The following JMJD1C variants were observed in gnomAD, a reference collection of about 807,000 sequenced individuals.
JMJD1C encodes jumonji domain containing 1C.
JMJD1C carries 31 observed loss-of-function variants against 245.3 expected under a neutral mutation model. The ratio of observed to expected loss-of-function variants is 0.13; its 90% CI spans 0.09 to 0.17. The LOEUF is 0.17. JMJD1C is among the 10% of genes least tolerant of loss of function. JMJD1C has a pLI of 1.00. For missense variants in JMJD1C, 2,691 were observed against 3,000.2 expected, an observed-to-expected ratio of 0.90 and a Z score of 2.41; for synonymous variants, 1,057 against 1,017.4, an observed-to-expected ratio of 1.04 and a Z score of -0.74.
intron 4 of JMJD1C, chr10:63,217,623 A>G: frequency 5.3e-6 from 1 of 189,548 alleles, no homozygotes; most frequent in Non-Finnish European, 1.1e-5. Flanking sequence ...GCAAAGTTAT[A>G]GTAGTGTAGA....
chr10:63,270,257 C>A (rs2133824948), intron 2 of JMJD1C, among the ~76,000 whole-genome samples: 1 of 152,216 alleles, frequency 6.6e-6, no homozygotes, highest in African/African-American at 2.4e-5. Context: ...ACCTCTGCCT[C>A]CTGGGTTCAA....
At chr10:63,333,663 T>C (rs918011708) in intron 2 of JMJD1C, among the ~76,000 whole-genome samples, 1 of 152,254 alleles carries the variant, frequency 6.6e-6, no homozygotes, top group African/African-American at 2.4e-5. Flanking sequence ...CAAAAACTTC[T>C]AATTTAATTG....
chr10:63,249,253 T>C (rs925124183), intron 3 of JMJD1C, among the ~76,000 whole-genome samples: 7 of 151,962 alleles, frequency 4.6e-5, no homozygotes, highest in Non-Finnish European at 1.0e-4. Flanking sequence ...GAGGCAGAGG[T>C]TGCAGTCAGG....
Position 63,184,629 on chromosome 10 carries a change from G to A in JMJD1C, c.6940C>T (p.Pro2314Ser). 6.2e-7 allele frequency: 1 copy of A among 1,612,694 alleles called. No homozygotes were observed. The highest frequency in any genetic ancestry group is 8.5e-7 in the Non-Finnish European group (1 of 1,179,544). ...CTACCATAGGCACTGCACAACCTGG[G>A]TCCTAGATCAGGACGTACAAAAAAT... ...PGFFVRPDLGPRLCSAYGVVA... is the reference protein window; with the variant it reads ...PGFFVRPDLGSRLCSAYGVVA... The change falls in exon 21 of 26, where the codon CCC becomes TCC. Residue 2314 changes from proline (P) to serine (S), a missense_variant. Around this residue, in one of 9 missense-constraint regions of JMJD1C, gnomAD observed 232 missense variants for 416.1 expected, o/e 0.56. Transcript: ENST00000399262.
intron 2 of JMJD1C, among the ~76,000 whole-genome samples, chr10:63,296,340 G>C (rs1859431941): frequency 6.6e-6 from 1 of 151,886 alleles, no homozygotes; most frequent in Admixed American, 6.6e-5. Context: ...TTGAGATCAC[G>C]AACAGCAGCA....
chr10:63,513,390 T>C (rs905892468), intron 1 of JMJD1C, among the ~76,000 whole-genome samples: 2 of 152,188 alleles, frequency 1.3e-5, no homozygotes, highest in Non-Finnish European at 2.9e-5. Flanking sequence ...CTCTGGGCAC[T>C]GGCACCTTGG....
intron 3 of JMJD1C, among the ~76,000 whole-genome samples, chr10:63,238,561 T>C (rs1433698612): frequency 6.6e-6 from 1 of 152,234 alleles, no homozygotes; most frequent in Non-Finnish European, 1.5e-5. Context: ...CTTTATATTA[T>C]GATGCAGTTA....
At chr10:63,170,892 T>C (rs969776752) in intron 24 of JMJD1C, among the ~76,000 whole-genome samples, 2 of 152,210 alleles carry the variant, frequency 1.3e-5, no homozygotes, top group South Asian at 2.1e-4. Flanking sequence ...TTCCTTGACA[T>C]TGTCTTATTC....
chr10:63,261,340 G>A (rs1426827749), intron 3 of JMJD1C, among the ~76,000 whole-genome samples: 1 of 152,126 alleles, frequency 6.6e-6, no homozygotes, highest in Non-Finnish European at 1.5e-5. Context: ...AGTACTTTTG[G>A]AGGCCAAGGC....
chr10:63,478,249 C>A (rs1234298925), intron 1 of JMJD1C, among the ~76,000 whole-genome samples: 1 of 152,204 alleles, frequency 6.6e-6, no homozygotes, highest in South Asian at 2.1e-4. Flanking sequence ...ATATACTTTT[C>A]ATATGACCCA....
chr10:63,283,696 C>T (rs943585619), intron 2 of JMJD1C, among the ~76,000 whole-genome samples: 3 of 152,102 alleles, frequency 2.0e-5, no homozygotes, highest in African/African-American at 7.2e-5. Flanking sequence ...AACCATTCTT[C>T]TTCATTTCAG....
At chr10:63,417,207 T>C (rs1401881228) in intron 1 of JMJD1C, among the ~76,000 whole-genome samples, 2 of 152,162 alleles carry the variant, frequency 1.3e-5, no homozygotes, top group African/African-American at 4.8e-5. Context: ...AAACAAGTAA[T>C]TGAATGCAAC....
At chr10:63,510,298 C>T (rs1451304415) in intron 1 of JMJD1C, among the ~76,000 whole-genome samples, 2 of 152,096 alleles carry the variant, frequency 1.3e-5, no homozygotes, top group African/African-American at 2.4e-5. Flanking sequence ...CCACCGCGCT[C>T]GGCCAATTTT....
At chr10:63,301,886 T>C (rs1246942694) in intron 2 of JMJD1C, 2 of 311,192 alleles carry the variant, frequency 6.4e-6, no homozygotes, top group Non-Finnish European at 1.3e-5. Flanking sequence ...TTCTGTTCTG[T>C]CCTACACTTT....
At position 63,446,026 on chromosome 10, in the gene JMJD1C, C is replaced by T. The variant is rs149383930; in HGVS notation, c.168+19469G>A. On this transcript the variant is annotated intron_variant, in intron 1 of 25. Transcript: ENST00000399262. ...AAGTAGCTGGGTCTACAGGTGCGTGCCACCACGCCTAGCTAATTTTTTGTA... is the reference window on the plus strand; with the variant it reads ...AAGTAGCTGGGTCTACAGGTGCGTGTCACCACGCCTAGCTAATTTTTTGTA... Among the ~76,000 whole-genome samples, 811 of 151,916 alleles carry T rather than the reference C, an allele frequency of 5.3e-3. 4 individuals are homozygous for T. The highest frequency in any genetic ancestry group is 7.8e-3 in the Non-Finnish European group (529 of 67,962).
intron 3 of JMJD1C, among the ~76,000 whole-genome samples, chr10:63,226,256 T>C (rs763193334): frequency 2.0e-5 from 3 of 152,288 alleles, no homozygotes; most frequent in Non-Finnish European, 4.4e-5. Flanking sequence ...GGCAAACTCA[T>C]GCAATCTTAT....
At chr10:63,392,366 G>A (rs1177737961) in intron 1 of JMJD1C, among the ~76,000 whole-genome samples, 2 of 152,126 alleles carry the variant, frequency 1.3e-5, no homozygotes, top group African/African-American at 4.8e-5. Flanking sequence ...AATGATAAAT[G>A]CGACTATATT....
chr10:63,197,357 G>GAT, intron 13 of JMJD1C, 54 bp downstream of exon 13: 1 of 1,419,162 alleles, frequency 7.0e-7, no homozygotes, highest in Non-Finnish European at 9.7e-7. Context: ...CTAGAAGAGT[G>GAT]ATCCTAAAGA....
intron 24 of JMJD1C, among the ~76,000 whole-genome samples, chr10:63,172,548 T>C (rs1842470533): frequency 2.6e-5 from 4 of 152,076 alleles, no homozygotes; most frequent in Admixed American, 2.0e-4. Context: ...GATAAATCTC[T>C]TACTTCATCA....
Sources: allele counts gnomAD v4.1 joint callset (sites outside exome capture counted in the v4.1 genomes callset), GRCh38; gene constraint gnomAD v4.1.1; regional missense constraint gnomAD v4.1.1; transcripts MANE v1.5; gene names NCBI Gene and HGNC (gene_info 2026-07-23, HGNC 2026-07-21).